Variants in PARVA observed in about 807,000 individuals in gnomAD.
The protein encoded by PARVA is alpha-parvin.
A neutral mutation model predicts 52.6 loss-of-function variants in PARVA; 25 were observed. The ratio of observed to expected loss-of-function variants is 0.48; its 90% CI spans 0.35 to 0.66. The LOEUF is 0.66. Ranked by LOEUF, PARVA falls within the 30% of genes least tolerant of loss-of-function variation. The pLI, the probability that PARVA is intolerant of heterozygous loss-of-function variation, is 0.01. For missense variants in PARVA, 373 were observed against 450.9 expected, an observed-to-expected ratio of 0.83 and a Z score of 1.56; for synonymous variants, 185 against 179.1, an observed-to-expected ratio of 1.03 and a Z score of -0.26.
At chr11:12,388,854 A>G (rs571587619) in intron 1 of PARVA, among the ~76,000 whole-genome samples, 6 of 152,210 alleles carry the variant, frequency 3.9e-5, no homozygotes, top group African/African-American at 1.4e-4. Context: ...CTTGTTGTTT[A>G]CTTTGGTCTC....
At chr11:12,488,425 A>G (rs750462642) in intron 4 of PARVA, among the ~76,000 whole-genome samples, 1 of 152,220 alleles carries the variant, frequency 6.6e-6, no homozygotes, top group African/African-American at 2.4e-5. Context: ...AGAAGGAAGT[A>G]TAAATCTAGT....
intron 4 of PARVA, among the ~76,000 whole-genome samples, chr11:12,483,757 G>A (rs1941120430): frequency 6.6e-6 from 1 of 152,158 alleles, no homozygotes; most frequent in South Asian, 2.1e-4. Context: ...GGGGACACTG[G>A]CCACTTCTCT....
chr11:12,480,831 A>T (rs1194569827), intron 4 of PARVA: 4 of 148,376 alleles, frequency 2.7e-5, no homozygotes, highest in Non-Finnish European at 6.0e-5. Flanking sequence ...AAAAAAAAAA[A>T]TGCATCAGGA....
At chr11:12,377,503 G>C (rs2134936005), upstream of PARVA, 1 of 1,426,180 alleles carries the variant, frequency 7.0e-7, no homozygotes, top group East Asian at 3.0e-5. Flanking sequence ...CGAGGGAAGG[G>C]AAAGGCGAGC....
chr11:12,409,416 G>A (rs1589946674), intron 1 of PARVA, among the ~76,000 whole-genome samples: 1 of 152,312 alleles, frequency 6.6e-6, no homozygotes, highest in South Asian at 2.1e-4. Context: ...TGGTAAAGGA[G>A]AATTAAAGTT....
intron 1 of PARVA, among the ~76,000 whole-genome samples, chr11:12,393,773 T>G (rs1939696865): frequency 6.6e-6 from 1 of 151,938 alleles, no homozygotes; most frequent in Admixed American, 6.5e-5. Flanking sequence ...AGCAAACACA[T>G]GTTTCATTTT....
At chr11:12,463,833 A>G (rs1409362284) in intron 1 of PARVA, among the ~76,000 whole-genome samples, 2 of 152,202 alleles carry the variant, frequency 1.3e-5, no homozygotes, top group African/African-American at 4.8e-5. Context: ...CATTTATTTT[A>G]TCTGTGGGCT....
chr11:12,483,308 T>A (rs184735570), intron 4 of PARVA, among the ~76,000 whole-genome samples: 70 of 152,244 alleles, frequency 4.6e-4, no homozygotes, highest in African/African-American at 1.6e-3. Context: ...AAGACAAGGA[T>A]GTGGGTGGAG....
intron 5 of PARVA, 118 bp from the exon 6 acceptor site, chr11:12,504,196 G>C: frequency 3.1e-6 from 2 of 645,968 alleles, no homozygotes; most frequent in South Asian, 3.8e-5. Flanking sequence ...CATGAGATTT[G>C]GGCAGGGACA....
At chr11:12,475,581 C>A (rs1395713149) in intron 3 of PARVA, among the ~76,000 whole-genome samples, 1 of 152,116 alleles carries the variant, frequency 6.6e-6, no homozygotes, top group Non-Finnish European at 1.5e-5. Context: ...TCAAAGTCAG[C>A]CAGGAGTATT....
At chr11:12,462,612 G>T (rs781204230) in intron 1 of PARVA, among the ~76,000 whole-genome samples, 1 of 152,142 alleles carries the variant, frequency 6.6e-6, no homozygotes, top group Admixed American at 6.5e-5. Context: ...GTGTTATGCC[G>T]CAAAGTTTGT....
intron 1 of PARVA, among the ~76,000 whole-genome samples, chr11:12,403,155 A>G (rs1939853425): frequency 6.6e-6 from 1 of 152,026 alleles, no homozygotes; most frequent in South Asian, 2.1e-4. Context: ...CCTTTTTCCC[A>G]AGGCTTCATT....
intron 1 of PARVA, among the ~76,000 whole-genome samples, chr11:12,387,900 A>G (rs1170704396): frequency 2.6e-5 from 4 of 152,190 alleles, no homozygotes; most frequent in African/African-American, 4.8e-5. Context: ...AAAGAGCCCA[A>G]TAGCAAGATT....
chr11:12,490,167 G>C (rs1336273580), intron 4 of PARVA, among the ~76,000 whole-genome samples: 1 of 145,262 alleles, frequency 6.9e-6, no homozygotes, highest in African/African-American at 2.5e-5. Flanking sequence ...CGTGAGCCGA[G>C]ATCGTGCCAC....
chr11:12,517,357 G>C (rs923313791), intron 10 of PARVA, among the ~76,000 whole-genome samples: 3 of 117,168 alleles, frequency 2.6e-5, no homozygotes, highest in African/African-American at 1.1e-4. Flanking sequence ...CCTAGACCAG[G>C]AGTTGGTACA....
chr11:12,481,729 T>C (rs2058421630), intron 4 of PARVA, among the ~76,000 whole-genome samples: 1 of 152,106 alleles, frequency 6.6e-6, no homozygotes, highest in Admixed American at 6.6e-5. Context: ...GGGTTGAGCT[T>C]CCTTAATACT....
intron 1 of PARVA, among the ~76,000 whole-genome samples, chr11:12,409,711 G>A (rs549470852): frequency 6.6e-6 from 1 of 152,340 alleles, no homozygotes; most frequent in African/African-American, 2.4e-5. Flanking sequence ...ACGGAATGCA[G>A]CCCTGCCAGC....
intron 1 of PARVA, among the ~76,000 whole-genome samples, chr11:12,435,019 G>A (rs996122299): frequency 3.9e-5 from 6 of 152,126 alleles, no homozygotes; most frequent in Admixed American, 2.0e-4. Context: ...GAAAACTCAC[G>A]TATAGATAAG....
intron 1 of PARVA, among the ~76,000 whole-genome samples, chr11:12,465,929 A>T (rs952413262): frequency 1.3e-5 from 2 of 152,252 alleles, no homozygotes; most frequent in East Asian, 3.8e-4. Context: ...AGAAAACACC[A>T]AAGTGGCTCT....
Sources: allele counts gnomAD v4.1 joint callset (sites outside exome capture counted in the v4.1 genomes callset), GRCh38; gene constraint gnomAD v4.1.1; transcripts MANE v1.5; gene names NCBI Gene and HGNC (gene_info 2026-07-23, HGNC 2026-07-21).